KLHL1: variants seen among roughly 807,000 people sequenced by gnomAD.
The protein encoded by KLHL1 is kelch like family member 1.
A neutral mutation model predicts 77.7 loss-of-function variants in KLHL1; 47 were observed. The observed-to-expected ratio is 0.60, with a 90% CI of 0.48 to 0.77. KLHL1 has a LOEUF of 0.77. Ranked by LOEUF, KLHL1 falls within the 30% of genes least tolerant of loss-of-function variation. The pLI is 0.00. For missense variants in KLHL1, 925 were observed against 910.8 expected (o/e 1.02, Z -0.20); for synonymous variants, 360 against 325.2 (o/e 1.11, Z -1.15).
At chr13:69,863,557 TTC>T (rs989933685) in intron 5 of KLHL1, among the ~76,000 whole-genome samples, 4 of 152,078 alleles carry the variant, frequency 2.6e-5, no homozygotes, top group African/African-American at 7.2e-5. Context: ...CTTGCAAAAC[TTC>T]TTTTATATTT....
intron 6 of KLHL1, among the ~76,000 whole-genome samples, chr13:69,822,008 G>A (rs1343370988): frequency 1.3e-5 from 2 of 151,994 alleles, no homozygotes; most frequent in Non-Finnish European, 1.5e-5. Context: ...GACCAGCCTG[G>A]CCAACATGGT....
intron 1 of KLHL1, among the ~76,000 whole-genome samples, chr13:69,987,805 T>C (rs761028954): frequency 2.0e-5 from 3 of 152,078 alleles, no homozygotes; most frequent in Non-Finnish European, 4.4e-5. Context: ...TACACATAGA[T>C]ATTTATACAT....
chr13:69,810,769 C>T (rs185785082), intron 6 of KLHL1, among the ~76,000 whole-genome samples: 4 of 152,010 alleles, frequency 2.6e-5, no homozygotes, highest in Admixed American at 1.3e-4. Flanking sequence ...TCCAATCAAA[C>T]ACAGTCAGAA....
chr13:69,954,937 T>G (rs1489175551), intron 3 of KLHL1, among the ~76,000 whole-genome samples: 1 of 151,184 alleles, frequency 6.6e-6, no homozygotes, highest in African/African-American at 2.4e-5. Context: ...ACTTTTATTT[T>G]GTTACTGAAT....
intron 3 of KLHL1, among the ~76,000 whole-genome samples, chr13:69,942,366 G>C (rs1883390297): frequency 6.7e-6 from 1 of 149,406 alleles, no homozygotes; most frequent in Non-Finnish European, 1.5e-5. Context: ...TAATTATGCT[G>C]TTATTTAATT....
chr13:69,965,185 G>A (rs904853491), intron 2 of KLHL1, among the ~76,000 whole-genome samples: 2 of 152,144 alleles, frequency 1.3e-5, no homozygotes, highest in Admixed American at 1.3e-4. Context: ...TGCAGATACT[G>A]CAGTTTTTTA....
chr13:69,782,976 G>A (rs1333827061), intron 7 of KLHL1, among the ~76,000 whole-genome samples: 9 of 152,152 alleles, frequency 5.9e-5, no homozygotes, highest in South Asian at 2.1e-4. Flanking sequence ...CCAGAGGAAC[G>A]ATCAGGCAGC....
intron 6 of KLHL1, among the ~76,000 whole-genome samples, chr13:69,824,352 A>T (rs986585630): frequency 1.3e-5 from 2 of 152,082 alleles, no homozygotes; most frequent in Non-Finnish European, 2.9e-5. Context: ...TGACATATTG[A>T]CACAGTTCCC....
intron 1 of KLHL1, among the ~76,000 whole-genome samples, chr13:70,031,613 A>G (rs1430276648): frequency 6.6e-6 from 1 of 152,164 alleles, no homozygotes; most frequent in Non-Finnish European, 1.5e-5. Context: ...TCCTCGTGCT[A>G]TTTATAAATC....
chr13:69,857,902 G>T (rs1294953626), intron 5 of KLHL1, among the ~76,000 whole-genome samples: 1 of 151,664 alleles, frequency 6.6e-6, no homozygotes, highest in Non-Finnish European at 1.5e-5. Context: ...ATACTCATCT[G>T]GGTAATTCCT....
At chr13:70,083,755 TAAC>T (rs1887450488) in intron 1 of KLHL1, among the ~76,000 whole-genome samples, 1 of 152,188 alleles carries the variant, frequency 6.6e-6, no homozygotes. Flanking sequence ...TTTATTGCAC[TAAC>T]TACTCCACTT....
rs1202426967 is a variant in KLHL1 at position 70,086,591 on chromosome 13, AAAGAAAGAAAGAAAGAAAG to A, written c.497+20593_497+20611del. Among the ~76,000 whole-genome samples, 137 of 32,412 alleles carry A rather than the reference AAAGAAAGAAAGAAAGAAAG, an allele frequency of 4.2e-3. 9 individuals are homozygous for A. The highest frequency in any genetic ancestry group is 6.2e-3 in the Non-Finnish European group (98 of 15,912). The allele number at this position is 32,412 out of a possible 152,430, so 21.3% of individuals were successfully genotyped here. A position where few individuals can be genotyped will look rare whatever the true frequency, so the allele number is the denominator to read the frequency against. On this transcript the variant is annotated intron_variant, in intron 1 of 10. Coordinates refer to ENST00000377844, the MANE Select transcript of KLHL1 (RefSeq NM_020866.3). ...CTGTCTCAAAAAAAAAAAAAAAAAAAAAGAAAGAAAGAAAGAAAGAAAGAAAGAAAGAAAGAAAGAAAAA... is the reference window on the plus strand; with the variant it reads ...CTGTCTCAAAAAAAAAAAAAAAAAAAAAAGAAAGAAAGAAAGAAAGAAAAA...
intron 1 of KLHL1, among the ~76,000 whole-genome samples, chr13:70,105,518 T>C (rs1004480741): frequency 6.6e-6 from 1 of 151,466 alleles, no homozygotes; most frequent in Non-Finnish European, 1.5e-5. Flanking sequence ...TGTTTAAATT[T>C]CTTCCTGAGC....
chr13:69,776,331 C>A (rs1875827308), intron 7 of KLHL1, among the ~76,000 whole-genome samples: 1 of 151,904 alleles, frequency 6.6e-6, no homozygotes, highest in Non-Finnish European at 1.5e-5. Context: ...ATGCAAAAAG[C>A]AAAGCAAAAT....
intron 5 of KLHL1, among the ~76,000 whole-genome samples, chr13:69,880,797 G>A (rs1341242544): frequency 1.3e-5 from 2 of 152,074 alleles, no homozygotes; most frequent in African/African-American, 4.8e-5. Flanking sequence ...TACTATTTCT[G>A]ATTTTGTGCA....
intron 1 of KLHL1, among the ~76,000 whole-genome samples, chr13:70,088,047 C>T (rs1012671922): frequency 9.9e-5 from 15 of 152,128 alleles, no homozygotes; most frequent in Admixed American, 4.6e-4. Context: ...AATAAACCTG[C>T]ATGTCCTGCA....
intron 5 of KLHL1, among the ~76,000 whole-genome samples, chr13:69,876,640 A>T (rs1450221471): frequency 6.6e-6 from 1 of 152,102 alleles, no homozygotes; most frequent in South Asian, 2.1e-4. Flanking sequence ...ACATGCACAT[A>T]AACACTCACA....
At chr13:69,895,008 A>G in intron 4 of KLHL1, 2 of 507,168 alleles carry the variant, frequency 3.9e-6, no homozygotes, top group South Asian at 2.9e-5. Flanking sequence ...ACACGGTGGT[A>G]TGATTGTCAT....
chr13:70,043,050 C>T (rs1886413940), intron 1 of KLHL1, among the ~76,000 whole-genome samples: 1 of 152,128 alleles, frequency 6.6e-6, no homozygotes, highest in Non-Finnish European at 1.5e-5. Flanking sequence ...GGATTATAGG[C>T]GTGAGCCACC....
Sources: allele counts gnomAD v4.1 joint callset (sites outside exome capture counted in the v4.1 genomes callset), GRCh38; gene constraint gnomAD v4.1.1; transcripts MANE v1.5; gene names NCBI Gene and HGNC (gene_info 2026-07-23, HGNC 2026-07-21).